The following EVC variants were observed in gnomAD, a reference collection of about 807,000 sequenced individuals.
The protein encoded by EVC is EvC ciliary complex subunit 1.
EVC carries 116 observed loss-of-function variants against 118.9 expected under a neutral mutation model. The ratio of observed to expected loss-of-function variants is 0.98; its 90% CI spans 0.84 to 1.14. EVC has a LOEUF of 1.14. Among genes scored for constraint, EVC ranks in the 50% most tolerant of loss-of-function variants. The pLI, the probability that EVC is intolerant of heterozygous loss-of-function variation, is 0.00. For synonymous variants in EVC, 619 were observed against 534.7 expected (o/e 1.16, Z -2.18); for missense variants, 1,401 against 1,246.4 (o/e 1.12, Z -1.87).
At chr4:5,778,363 A>G (rs1327236427) in intron 11 of EVC, among the ~76,000 whole-genome samples, 3 of 151,966 alleles carry the variant, frequency 2.0e-5, no homozygotes, top group African/African-American at 4.8e-5. Flanking sequence ...CAGTAATGGG[A>G]TGGCCGGGTC....
intron 11 of EVC, among the ~76,000 whole-genome samples, chr4:5,774,490 C>G (rs1194365587): frequency 6.6e-6 from 1 of 151,948 alleles, no homozygotes; most frequent in African/African-American, 2.4e-5. Flanking sequence ...CAGGTATTAT[C>G]AGCCCCCTTT....
intron 11 of EVC, among the ~76,000 whole-genome samples, chr4:5,776,179 A>G (rs1420040387): frequency 6.6e-6 from 1 of 152,094 alleles, no homozygotes; most frequent in African/African-American, 2.4e-5. Context: ...TAATTTGGCA[A>G]ATTTCATTGA....
At chr4:5,780,643 C>G (rs1735448759) in intron 11 of EVC, among the ~76,000 whole-genome samples, 1 of 152,208 alleles carries the variant, frequency 6.6e-6, no homozygotes, top group Admixed American at 6.5e-5. Context: ...AGAAGAAACT[C>G]TGTGGTCTTG....
chr4:5,808,264 C>T lies in EVC; in HGVS notation c.2625C>T (p.His875=), dbSNP rs764729655. The T allele has an allele frequency of 3.0e-5, 48 of 1,613,540 alleles. No homozygotes were observed. The Admixed American group carries it at 3.2e-4, about 11-fold the overall frequency. Residue 875 remains histidine (H), a synonymous_variant, in exon 18 of 21, where the codon CAC becomes CAT. Coordinates refer to ENST00000264956, the MANE Select transcript of EVC (RefSeq NM_153717.3). ...CAGTGCACCAGCAGATGCGTCTGCA[C>T]GCCCAGCAGCAGCAGGCAGGAGTCA... ...QFPVHQQMRL[H]AQQQQAGVMD...
chr4:5,804,642 C>T (rs1309382030), intron 16 of EVC, 88 bp from the exon 17 acceptor site: 11 of 1,113,978 alleles, frequency 9.9e-6, no homozygotes, highest in Non-Finnish European at 1.5e-5. Flanking sequence ...GTGTGTCTCA[C>T]TCACCCTGCA....
Position 5,731,589 on chromosome 4 carries a change from C to T in EVC, c.549C>T (p.Ser183=), listed in dbSNP as rs201071908. 1.2e-4 allele frequency: 199 copies of T among 1,614,138 alleles called. 1 individual carries two copies. Among genetic ancestry groups the T allele is most frequent in the Middle Eastern group, 3.3e-4 (2 of 6,062 alleles). The change falls in exon 4 of 21, where the codon AGC becomes AGT. Residue 183 remains serine, a synonymous_variant. Transcript: ENST00000264956. The surrounding 1 kb of genome is among the most constrained non-coding windows in gnomAD (Gnocchi z 5.6). ...CATCCAGCGTCCACTCGGCCACCAGCGATGACAGGTTTCTCAGCCGCACCT... is the reference window on the plus strand; with the variant it reads ...CATCCAGCGTCCACTCGGCCACCAGTGATGACAGGTTTCTCAGCCGCACCT... The part of the protein sequence containing the change: ...SSSSSVHSAT[S]DDRFLSRTFL...
intron 11 of EVC, among the ~76,000 whole-genome samples, chr4:5,766,475 C>G (rs1156859718): frequency 7.8e-6 from 1 of 128,544 alleles, no homozygotes; most frequent in Non-Finnish European, 1.6e-5. Context: ...GGGAAGTTCT[C>G]CTGGATAATA....
chr4:5,768,873 T>G (rs933294796), intron 11 of EVC, among the ~76,000 whole-genome samples: 1 of 151,922 alleles, frequency 6.6e-6, no homozygotes, highest in Non-Finnish European at 1.5e-5. Flanking sequence ...AAAAGAAATA[T>G]TCTCATTCAT....
At position 5,742,449 on chromosome 4, in the gene EVC, T is replaced by C. The variant is rs1277670376; in HGVS notation, c.801+635T>C. On this transcript the variant is annotated intron_variant, in intron 6 of 20. Coordinates refer to ENST00000264956, the MANE Select transcript of EVC (RefSeq NM_153717.3). This position sits in a 1 kb window ranked among gnomAD's most constrained non-coding sequence, Gnocchi z 5.2. The stretch of plus-strand genomic sequence containing the variant: ...TCATCTTCATTATCACCACCAGTTT[T>C]ATTTTGTATCACCATCACCACCACT... Among the ~76,000 whole-genome samples, 1 of 152,182 alleles carries C rather than the reference T, an allele frequency of 6.6e-6. No individual in the cohort carries two copies. The highest frequency in any genetic ancestry group is 1.5e-5 in the Non-Finnish European group (1 of 68,038).
In EVC at chr4:5,802,048, G is replaced by A. The variant is rs1196026308; in HGVS notation, c.2403G>A (p.Met801Ile). Residue 801 changes from methionine (M) to isoleucine (I), a missense_variant, in exon 16 of 21, where the codon ATG (methionine) becomes ATA (isoleucine). Transcript: ENST00000264956. ...QAYYQQIGRI[M>I]EDHEERKLQH... ...ATTACCAGCAAATCGGAAGGATCAT[G>A]GAGGACCACGAGGAGAGAAAACTGC... 1 of 1,614,236 alleles carries A rather than the reference G, an allele frequency of 6.2e-7. No homozygotes were observed. Among genetic ancestry groups the A allele is most frequent in the East Asian group, 2.2e-5 (1 of 44,880 alleles).
downstream of EVC, among the ~76,000 whole-genome samples, chr4:5,815,253 A>G (rs566151188): frequency 2.6e-5 from 4 of 152,302 alleles, no homozygotes; most frequent in Admixed American, 6.5e-5. Flanking sequence ...TGTGAGCTCC[A>G]TGAGCTTTAC....
At chr4:5,724,087 G>A (rs558005309) in intron 2 of EVC, among the ~76,000 whole-genome samples, 12 of 152,320 alleles carry the variant, frequency 7.9e-5, no homozygotes, top group South Asian at 2.1e-4. Flanking sequence ...TCCTCAGTTC[G>A]CAGCACCATA....
At chr4:5,760,558 G>A (rs185675897) in intron 11 of EVC, among the ~76,000 whole-genome samples, 138 of 152,120 alleles carry the variant, frequency 9.1e-4, no homozygotes, top group Admixed American at 2.5e-3. Context: ...TTTGTTTTTT[G>A]TTTTTTGTTT....
Position 5,721,656 on chromosome 4 carries a change from C to T in EVC, c.300+2283C>T, listed in dbSNP as rs575599209. ...GCTGAGGCGGGCAGACACTTAAGGT[C>T]AGGAGTTTGAGACCAGCCTGGCCAA... On this transcript the variant is annotated intron_variant, in intron 2 of 20. Coordinates refer to ENST00000264956, the MANE Select transcript of EVC (RefSeq NM_153717.3). 9.2e-5 allele frequency among the ~76,000 whole-genome samples: 14 copies of T among 152,278 alleles called. No homozygotes were observed. In the South Asian group the frequency reaches 2.5e-3, roughly 27 times the overall value.
At chr4:5,792,618 C>T (rs545220678) in intron 12 of EVC, among the ~76,000 whole-genome samples, 9 of 152,300 alleles carry the variant, frequency 5.9e-5, no homozygotes, top group Admixed American at 2.0e-4. Context: ...GATGAGCAGA[C>T]GCTCCTACAT....
At chr4:5,736,538 G>GT (rs1172641833) in intron 5 of EVC, among the ~76,000 whole-genome samples, 1 of 149,880 alleles carries the variant, frequency 6.7e-6, no homozygotes, top group Non-Finnish European at 1.5e-5. Flanking sequence ...AAATTGAAGG[G>GT]TTTTGGCAAC....
At chr4:5,732,095 A>C (rs943271747) in intron 4 of EVC, among the ~76,000 whole-genome samples, 1 of 141,502 alleles carries the variant, frequency 7.1e-6, no homozygotes, top group Non-Finnish European at 1.6e-5. Flanking sequence ...TAACACCCCT[A>C]TGAAGTTGGT....
Position 5,756,181 on chromosome 4 carries a change from A to C in EVC, c.1465-83A>C, listed in dbSNP as rs1731133490. On this transcript the variant is annotated intron_variant, in intron 10 of 20. Coordinates refer to ENST00000264956, the MANE Select transcript of EVC (RefSeq NM_153717.3). The surrounding 1 kb of genome is among the most constrained non-coding windows in gnomAD (Gnocchi z 4.2). The stretch of plus-strand genomic sequence containing the variant: ...CATCCTTCTTTCTAACCTGAGATGC[A>C]GGGGATGGTTGGAGAACCTTCTGGA... The C allele has an allele frequency of 7.7e-6, 8 of 1,038,822 alleles. No individual in the cohort carries two copies. Among genetic ancestry groups the C allele is most frequent in the Non-Finnish European group, 1.0e-5 (7 of 686,276 alleles). 64.4% of individuals were successfully genotyped at this position (1,038,822 alleles called of 1,614,324 possible). A position where few individuals can be genotyped will look rare whatever the true frequency, so the allele number is the denominator to read the frequency against.
At chr4:5,730,644 G>A (rs1726649367) in intron 3 of EVC, among the ~76,000 whole-genome samples, 1 of 151,964 alleles carries the variant, frequency 6.6e-6, no homozygotes, top group African/African-American at 2.4e-5. Flanking sequence ...TGATGAAATA[G>A]GCAAGAGGCA....
Sources: allele counts gnomAD v4.1 joint callset (sites outside exome capture counted in the v4.1 genomes callset), GRCh38; gene constraint gnomAD v4.1.1; non-coding constraint Gnocchi (gnomAD v3.1); transcripts MANE v1.5; gene names NCBI Gene and HGNC (gene_info 2026-07-23, HGNC 2026-07-21).